Variants in METTL15 observed in about 807,000 individuals in gnomAD.
METTL15 encodes the protein 12S rRNA N(4)-cytidine methyltransferase METTL15.
Under a neutral mutation model 38.3 loss-of-function variants are expected in METTL15, and 34 were observed. That is an observed-to-expected ratio of 0.89 (90% CI 0.68 to 1.18). METTL15 has a LOEUF of 1.18. METTL15 is among the 50% of genes most tolerant of loss of function. The probability of loss-of-function intolerance (pLI) is 0.00; values close to 1 mark genes in which losing one functional copy is unlikely to be tolerated. For synonymous variants in METTL15, 162 were observed against 170.9 expected, an observed-to-expected ratio of 0.95 and a Z score of 0.41; for missense variants, 438 against 498.4, an observed-to-expected ratio of 0.88 and a Z score of 1.15.
chr11:28,236,747 G>A (rs1854000131), intron 4 of METTL15, among the ~76,000 whole-genome samples: 1 of 152,064 alleles, frequency 6.6e-6, no homozygotes, highest in African/African-American at 2.4e-5. Context: ...TACCAGTTGT[G>A]CCTTTCCATG....
chr11:28,216,599 A>C (rs1047977416), intron 4 of METTL15, among the ~76,000 whole-genome samples: 1 of 152,182 alleles, frequency 6.6e-6, no homozygotes, highest in East Asian at 1.9e-4. Context: ...TTTAGGGTAC[A>C]TGTGCACAAC....
intron 5 of METTL15, among the ~76,000 whole-genome samples, chr11:28,370,193 A>G (rs1233801535): frequency 6.6e-6 from 1 of 151,984 alleles, no homozygotes; most frequent in Non-Finnish European, 1.5e-5. Flanking sequence ...CTACCCATTA[A>G]TCAACCACAC....
chr11:28,270,574 T>C (rs1855604253), intron 4 of METTL15, among the ~76,000 whole-genome samples: 1 of 152,188 alleles, frequency 6.6e-6, no homozygotes, highest in African/African-American at 2.4e-5. Context: ...AGCCTGCCAC[T>C]ACCCGTAACA....
intron 6 of METTL15, among the ~76,000 whole-genome samples, chr11:28,310,432 AT>A (rs1488506000): frequency 1.3e-5 from 2 of 151,908 alleles, no homozygotes; most frequent in Non-Finnish European, 2.9e-5. Flanking sequence ...TGCTTGTCTG[AT>A]TGCTTCTCAA....
At chr11:28,441,271 G>T (rs1851032747) in intron 6 of METTL15, among the ~76,000 whole-genome samples, 1 of 151,808 alleles carries the variant, frequency 6.6e-6, no homozygotes, top group African/African-American at 2.4e-5. Context: ...TAGAGACAGG[G>T]TTTCACCATG....
At chr11:28,497,417 C>T (rs769514225) in intron 6 of METTL15, among the ~76,000 whole-genome samples, 9 of 152,308 alleles carry the variant, frequency 5.9e-5, no homozygotes, top group Admixed American at 1.3e-4. Flanking sequence ...ATTCTACACA[C>T]TTTGAATACT....
intron 4 of METTL15, among the ~76,000 whole-genome samples, chr11:28,281,538 T>C (rs1856056274): frequency 6.6e-6 from 1 of 152,208 alleles, no homozygotes; most frequent in African/African-American, 2.4e-5. Context: ...AAATGGGTAA[T>C]TATAATTGTC....
chr11:28,406,149 T>C (rs930910135), intron 5 of METTL15, among the ~76,000 whole-genome samples: 4 of 152,196 alleles, frequency 2.6e-5, no homozygotes, highest in African/African-American at 4.8e-5. Context: ...GTGAAGAATG[T>C]CAATGGTAGT....
At chr11:28,163,582 A>G (rs1850550457) in intron 3 of METTL15, 2 of 395,228 alleles carry the variant, frequency 5.1e-6, no homozygotes, top group African/African-American at 4.1e-5. Context: ...TCTGGAGAAT[A>G]CACAATCAAA....
intron 4 of METTL15, among the ~76,000 whole-genome samples, chr11:28,355,029 G>T (rs1033607512): frequency 6.6e-6 from 1 of 152,072 alleles, no homozygotes; most frequent in Non-Finnish European, 1.5e-5. Flanking sequence ...GACTAGGAAA[G>T]GTCCCTACAG....
downstream of METTL15, among the ~76,000 whole-genome samples, chr11:28,528,362 G>A (rs774705882): frequency 7.9e-5 from 12 of 152,208 alleles, no homozygotes; most frequent in Admixed American, 7.9e-4. Flanking sequence ...TGTAAGGACT[G>A]TCCAAACATA....
At chr11:28,135,032 C>G (rs986955578) in intron 3 of METTL15, among the ~76,000 whole-genome samples, 1 of 152,106 alleles carries the variant, frequency 6.6e-6, no homozygotes, top group Admixed American at 6.6e-5. Context: ...TTTGTTTCTT[C>G]TGAGCTACAG....
intron 6 of METTL15, among the ~76,000 whole-genome samples, chr11:28,455,933 C>G (rs543165161): frequency 1.8e-4 from 28 of 152,254 alleles, no homozygotes; most frequent in African/African-American, 6.5e-4. Context: ...GTCTCAATCT[C>G]CTGACCTCGT....
chr11:28,145,477 C>T (rs1384501919), intron 3 of METTL15: 1 of 151,950 alleles, frequency 6.6e-6, no homozygotes, highest in Non-Finnish European at 1.5e-5. Flanking sequence ...TTGGTACTAA[C>T]TTTGATTTCT....
intron 1 of METTL15, among the ~76,000 whole-genome samples, chr11:28,109,116 C>A (rs1851609426): frequency 6.6e-6 from 1 of 152,108 alleles, no homozygotes; most frequent in Non-Finnish European, 1.5e-5. Flanking sequence ...ATGACTCATA[C>A]CCATGCAGAG....
At chr11:28,185,181 G>T (rs1052959313) in intron 3 of METTL15, among the ~76,000 whole-genome samples, 1 of 151,288 alleles carries the variant, frequency 6.6e-6, no homozygotes, top group African/African-American at 2.4e-5. Context: ...TTCTATATTT[G>T]TTTAATATAA....
chr11:28,377,325 A>T lies in METTL15; in HGVS notation c.*358+15289A>T, dbSNP rs187085422. Among the ~76,000 whole-genome samples, 1,480 of 152,070 alleles carry T rather than the reference A, an allele frequency of 9.7e-3. 76 individuals carry two copies. Among genetic ancestry groups the T allele is most frequent in the Admixed American group, 0.085 (1,300 of 15,262 alleles). On this transcript the variant is annotated intron_variant and NMD_transcript_variant, in intron 5 of 7. Transcript: ENST00000532947. Reference sequence around the variant, plus strand: ...TCAGACATAGATTTGGTCTTTTCACATAGTCCCATATTTCTTGGAGGCTTT... The same window carrying T: ...TCAGACATAGATTTGGTCTTTTCACTTAGTCCCATATTTCTTGGAGGCTTT...
At chr11:28,341,065 C>T (rs974097216) in intron 3 of METTL15, among the ~76,000 whole-genome samples, 2 of 152,062 alleles carry the variant, frequency 1.3e-5, no homozygotes, top group African/African-American at 4.8e-5. Flanking sequence ...CAAACTAACA[C>T]AGGAACAGAA....
chr11:28,276,285 CTT>C (rs1055311883), intron 4 of METTL15, among the ~76,000 whole-genome samples: 1 of 152,056 alleles, frequency 6.6e-6, no homozygotes, highest in African/African-American at 2.4e-5. Flanking sequence ...GTCAGTAACA[CTT>C]TTATACACCA....
Sources: gnomAD v4.1 joint callset for allele counts (sites outside exome capture counted in the v4.1 genomes callset) on GRCh38, gnomAD v4.1.1 for gene constraint, MANE v1.5 for transcripts, NCBI Gene and HGNC (gene_info 2026-07-23, HGNC 2026-07-21) for gene names.